ST3GAL4: variants seen among roughly 807,000 people sequenced by gnomAD.
The protein encoded by ST3GAL4 is CMP-N-acetylneuraminate-beta-galactosamide-alpha-2,3-sialyltransferase 4.
A neutral mutation model predicts 42.6 loss-of-function variants in ST3GAL4; 24 were observed. The observed-to-expected ratio is 0.56, with a 90% CI of 0.41 to 0.79. The LOEUF (loss-of-function observed/expected upper bound fraction) is 0.79. Among genes scored for constraint, ST3GAL4 ranks in the 30% least tolerant of loss-of-function variants. The probability of loss-of-function intolerance (pLI) is 0.00; values close to 1 mark genes in which losing one functional copy is unlikely to be tolerated. For synonymous variants in ST3GAL4, 135 were observed against 163.2 expected, an observed-to-expected ratio of 0.83 and a Z score of 1.32; for missense variants, 311 against 430.8, an observed-to-expected ratio of 0.72 and a Z score of 2.46.
chr11:126,360,248 A>G lies in ST3GAL4; in HGVS notation c.-61+4406A>G, dbSNP rs141482644. Among the ~76,000 whole-genome samples the G allele has an allele frequency of 2.5e-3, 386 of 152,280 alleles. 2 individuals are homozygous for G. The highest frequency in any genetic ancestry group is 8.2e-3 in the African/African-American group (339 of 41,562). On this transcript the variant is annotated intron_variant, in intron 1 of 10. Coordinates refer to ENST00000444328, the MANE Select transcript of ST3GAL4 (RefSeq NM_001254757.2). ...CACTGGGTTCTGATCATTTGGAGGG[A>G]AGTCATGCAAGGGACTGACGAGGGC...
rs1359682015 is a variant in ST3GAL4, at chr11:126,394,832, GT to G, written c.-60-11263del. 9.1e-4 allele frequency among the ~76,000 whole-genome samples: 136 copies of G among 149,498 alleles called. 1 individual carries two copies. The highest frequency in any genetic ancestry group is 2.7e-3 in the African/African-American group (107 of 40,280). On this transcript the variant is annotated intron_variant, in intron 1 of 10. Transcript: ENST00000444328. ...CAGTGCCAGGCTGCAGGGGCGGATGGTGGGGGGTGGGTGGGTAGCCTGTGGA... is the reference window on the plus strand; with the variant it reads ...CAGTGCCAGGCTGCAGGGGCGGATGGGGGGGGTGGGTGGGTAGCCTGTGGA...
chr11:126,374,281 G>A (rs1365157868), intron 1 of ST3GAL4, among the ~76,000 whole-genome samples: 2 of 151,692 alleles, frequency 1.3e-5, no homozygotes, highest in African/African-American at 2.4e-5. Context: ...GGGAAACCCC[G>A]TTCCTACTAA....
intron 1 of ST3GAL4, among the ~76,000 whole-genome samples, chr11:126,403,759 G>A (rs1322101294): frequency 3.3e-5 from 5 of 152,120 alleles, no homozygotes; most frequent in Non-Finnish European, 5.9e-5. Context: ...ATCCTGGTTC[G>A]GAGCACTGCA....
Position 126,414,287 on chromosome 11 carries a change from G to A in ST3GAL4, c.*240G>A, listed in dbSNP as rs1201100186. 1.6e-5 allele frequency: 9 copies of A among 563,074 alleles called. No individual in the cohort carries two copies. Among genetic ancestry groups the A allele is most frequent in the East Asian group, 1.2e-4 (4 of 34,392 alleles). 34.9% of individuals were successfully genotyped at this position (563,074 alleles called of 1,614,324 possible). A position where few individuals can be genotyped will look rare whatever the true frequency, so the allele number is the denominator to read the frequency against. On this transcript the variant is annotated 3_prime_UTR_variant, in exon 11 of 11. Transcript: ENST00000444328. ...GGAGCCCGGCCAGGGCAGGGGGCTCGTTGCTGTGGCACCCCCTCTCTGCCA... is the reference window on the plus strand; with the variant it reads ...GGAGCCCGGCCAGGGCAGGGGGCTCATTGCTGTGGCACCCCCTCTCTGCCA...
rs1422001592 is a variant in ST3GAL4 at position 126,393,081 on chromosome 11, C to T, written c.-60-13015C>T. 1 of 151,590 alleles carries T rather than the reference C, an allele frequency of 6.6e-6. No individual in the cohort carries two copies. Among genetic ancestry groups the T allele is most frequent in the Admixed American group, 6.6e-5 (1 of 15,170 alleles). 9.4% of individuals were successfully genotyped at this position (151,590 alleles called of 1,614,324 possible). ...TCAGCCTCCCAAGTATCTAGGACTA[C>T]AGGTGTGTGCCACCACACCCGGCTA... On this transcript the variant is annotated intron_variant, in intron 1 of 10. Coordinates refer to ENST00000444328, the MANE Select transcript of ST3GAL4 (RefSeq NM_001254757.2). The surrounding 1 kb of genome is among the most constrained non-coding windows in gnomAD (Gnocchi z 5.9).
At chr11:126,382,956 G>A (rs1205712945) in intron 1 of ST3GAL4, among the ~76,000 whole-genome samples, 2 of 152,252 alleles carry the variant, frequency 1.3e-5, no homozygotes, top group Non-Finnish European at 2.9e-5. Flanking sequence ...GGATTTGGGT[G>A]CCGGGTGGGC....
At position 126,383,835 on chromosome 11, in the gene ST3GAL4, C is replaced by T. The variant is rs993735887; in HGVS notation, c.-60-22261C>T. ...GGACACCTAGAAGGGCCCCTCCTCCCCTCGTCTTCCCTCCCTCATGGCCCA... is the reference window on the plus strand; with the variant it reads ...GGACACCTAGAAGGGCCCCTCCTCCTCTCGTCTTCCCTCCCTCATGGCCCA... On this transcript the variant is annotated intron_variant, in intron 1 of 10. Transcript: ENST00000444328. The surrounding 1 kb of genome is among the most constrained non-coding windows in gnomAD (Gnocchi z 4.5). Among the ~76,000 whole-genome samples the T allele has an allele frequency of 6.6e-6, 1 of 152,196 alleles. No homozygotes were observed. The highest frequency in any genetic ancestry group is 1.5e-5 in the Non-Finnish European group (1 of 68,028).
At chr11:126,403,422 C>G in intron 1 of ST3GAL4, 1 of 985,464 alleles carries the variant, frequency 1.0e-6, no homozygotes, top group Non-Finnish European at 1.2e-6. Context: ...CTGTCTTTCA[C>G]AAAAGGTGAA....
Position 126,392,190 on chromosome 11 carries a change from G to A in ST3GAL4, c.-60-13906G>A. The A allele has an allele frequency of 9.4e-6, 4 of 425,088 alleles. No homozygotes were observed. Among genetic ancestry groups the A allele is most frequent in the Non-Finnish European group, 1.3e-5 (4 of 317,730 alleles). The allele number at this position is 425,088 out of a possible 1,614,324, so 26.3% of individuals were successfully genotyped here. ...ATGTACCTTGCGCTTCCTGGGGCTT[G>A]GTCCTGGGGTTTCATCTCAGGTTGA... On this transcript the variant is annotated intron_variant, in intron 1 of 10. Transcript: ENST00000444328. The surrounding 1 kb of genome is among the most constrained non-coding windows in gnomAD (Gnocchi z 5.8).
chr11:126,374,772 CA>C (rs1952772540), intron 1 of ST3GAL4, among the ~76,000 whole-genome samples: 1 of 152,116 alleles, frequency 6.6e-6, no homozygotes, highest in Non-Finnish European at 1.5e-5. Flanking sequence ...AGGAGTTTTA[CA>C]GATGACCGGT....
At chr11:126,380,398 C>G (rs1431869418) in intron 1 of ST3GAL4, among the ~76,000 whole-genome samples, 1 of 152,096 alleles carries the variant, frequency 6.6e-6, no homozygotes, top group Admixed American at 6.5e-5. Flanking sequence ...AGTATTGAGT[C>G]ACATCAGAGC....
Position 126,384,654 on chromosome 11 carries a change from A to G in ST3GAL4, c.-60-21442A>G. The G allele has an allele frequency of 1.0e-6, 1 of 984,480 alleles. No individual in the cohort carries two copies. The allele number at this position is 984,480 out of a possible 1,614,324, so 61.0% of individuals were successfully genotyped here. On this transcript the variant is annotated intron_variant, in intron 1 of 10. Transcript: ENST00000444328. The surrounding 1 kb of genome is among the most constrained non-coding windows in gnomAD (Gnocchi z 5.5). ...CAACTCCAGGATGTGCTACACCCAG[A>G]CAGACAGATGGAGAGCCACCTCCCT...
At chr11:126,413,374 G>C in intron 9 of ST3GAL4, 131 bp from the exon 10 acceptor site, 2 of 1,166,558 alleles carry the variant, frequency 1.7e-6, no homozygotes, top group Non-Finnish European at 2.3e-6. Context: ...TTAGCTCGTG[G>C]CTTGTCTTGT....
chr11:126,362,391 G>A (rs1184828313), intron 1 of ST3GAL4, among the ~76,000 whole-genome samples: 1 of 151,760 alleles, frequency 6.6e-6, no homozygotes, highest in Admixed American at 6.6e-5. Context: ...GTAGAGATGG[G>A]GGTCTCACCA....
At chr11:126,369,720 A>T (rs999302320) in intron 1 of ST3GAL4, among the ~76,000 whole-genome samples, 1 of 152,122 alleles carries the variant, frequency 6.6e-6, no homozygotes, top group South Asian at 2.1e-4. Flanking sequence ...TCAAATTATT[A>T]CTTCAAAATG....
rs919741445 is a variant in ST3GAL4, at chr11:126,363,649, G to A, written c.-61+7807G>A. Among the ~76,000 whole-genome samples, 2 of 152,192 alleles carry A rather than the reference G, an allele frequency of 1.3e-5. No individual in the cohort carries two copies. The highest frequency in any genetic ancestry group is 1.3e-4 in the Admixed American group (2 of 15,278). ...CTTTGGACATCTTCCTGCAAAGGAC[G>A]GTGGGATCTTGTCTTTCTGGGGCCT... is the stretch of plus-strand genomic sequence containing the variant. On this transcript the variant is annotated intron_variant, in intron 1 of 10. Coordinates refer to ENST00000444328, the MANE Select transcript of ST3GAL4 (RefSeq NM_001254757.2). The surrounding 1 kb of genome is among the most constrained non-coding windows in gnomAD (Gnocchi z 4.6).
In ST3GAL4 at chr11:126,414,181, GGCCA is replaced by G; in HGVS notation, c.*136_*139del. The stretch of plus-strand genomic sequence containing the variant: ...CTCTTGGGGAGGGAGTTCTGGGCCT[GGCCA>G]GGTCTGAGATGAGGCCATGCCCCTG... On this transcript the variant is annotated 3_prime_UTR_variant, in exon 11 of 11. Transcript: ENST00000444328. 1.2e-6 allele frequency: 1 copy of G among 840,396 alleles called. No individual in the cohort carries two copies. Among genetic ancestry groups the G allele is most frequent in the South Asian group, 1.5e-5 (1 of 67,136 alleles). 52.1% of individuals were successfully genotyped at this position (840,396 alleles called of 1,614,324 possible). A position where few individuals can be genotyped will look rare whatever the true frequency, so the allele number is the denominator to read the frequency against.
rs1237429813 is a variant in ST3GAL4 at position 126,378,702 on chromosome 11, G to A, written c.-61+22860G>A. ...CTGGTTTTCTTTCCAAATATGACCT[G>A]AGCATTGATCTGTCCAATAAGCAAG... On this transcript the variant is annotated intron_variant, in intron 1 of 10. Coordinates refer to ENST00000444328, the MANE Select transcript of ST3GAL4 (RefSeq NM_001254757.2). This position sits in a 1 kb window ranked among gnomAD's most constrained non-coding sequence, Gnocchi z 5.3. 6.6e-6 allele frequency among the ~76,000 whole-genome samples: 1 copy of A among 152,200 alleles called. No individual in the cohort carries two copies. Among genetic ancestry groups the A allele is most frequent in the Non-Finnish European group, 1.5e-5 (1 of 68,036 alleles).
Position 126,363,124 on chromosome 11 carries a change from G to A in ST3GAL4, c.-61+7282G>A, listed in dbSNP as rs1362557153. The stretch of plus-strand genomic sequence containing the variant: ...CTGAATGAGGGGCTGGCCGAGGAGC[G>A]GGTGTTGATGGAGTATGGGAGATTG... On this transcript the variant is annotated intron_variant, in intron 1 of 10. Transcript: ENST00000444328. The surrounding 1 kb of genome is among the most constrained non-coding windows in gnomAD (Gnocchi z 4.6). 2.6e-5 allele frequency among the ~76,000 whole-genome samples: 4 copies of A among 152,180 alleles called. No individual in the cohort carries two copies. Among genetic ancestry groups the A allele is most frequent in the East Asian group, 1.9e-4 (1 of 5,194 alleles).
Sources: allele counts gnomAD v4.1 joint callset (sites outside exome capture counted in the v4.1 genomes callset), GRCh38; gene constraint gnomAD v4.1.1; non-coding constraint Gnocchi (gnomAD v3.1); transcripts MANE v1.5; gene names NCBI Gene and HGNC (gene_info 2026-07-23, HGNC 2026-07-21).